The following PRKAG1 variants were observed in gnomAD, a reference collection of about 807,000 sequenced individuals.
PRKAG1 encodes protein kinase AMP-activated non-catalytic subunit gamma 1.
In PRKAG1, 27 loss-of-function variants were observed where a neutral mutation model predicts 48.2. That is an observed-to-expected ratio of 0.56 (90% CI 0.41 to 0.77). The LOEUF is 0.77. Ranked by LOEUF, PRKAG1 falls within the 30% of genes least tolerant of loss-of-function variation. PRKAG1 has a pLI of 0.00. For missense variants in PRKAG1, 287 were observed against 398.3 expected, an observed-to-expected ratio of 0.72 and a Z score of 2.38; for synonymous variants, 130 against 147.7, an observed-to-expected ratio of 0.88 and a Z score of 0.87.
intron 10 of PRKAG1, 67 bp from the exon 11 acceptor site, chr12:49,003,357 C>A: frequency 6.3e-7 from 1 of 1,595,606 alleles, no homozygotes; most frequent in South Asian, 1.1e-5. Context: ...TGAACCCATC[C>A]AACCTCAACA....
In PRKAG1 at chr12:49,005,550, C is replaced by A. The variant is rs773004841; in HGVS notation, c.169-7G>T. On this transcript the variant is annotated splice_region_variant and splice_polypyrimidine_tract_variant and intron_variant, in intron 3 of 11. Coordinates refer to ENST00000548065, the MANE Select transcript of PRKAG1 (RefSeq NM_002733.5). This position sits in a 1 kb window ranked among gnomAD's most constrained non-coding sequence, Gnocchi z 4.1. ...CAAAAAAAGCTTTCTTCACCTGTAG[C>A]CAAGACAGTAATAATCATAAAGGCA... is the stretch of plus-strand genomic sequence containing the variant. The A allele has an allele frequency of 2.5e-6, 4 of 1,614,012 alleles. No individual in the cohort carries two copies. In the Admixed American group the frequency reaches 6.7e-5, roughly 27 times the overall value.
At chr12:49,004,408 A>T in intron 8 of PRKAG1, 99 bp downstream of exon 8, 1 of 1,485,538 alleles carries the variant, frequency 6.7e-7, no homozygotes, top group Non-Finnish European at 9.2e-7. Flanking sequence ...GTTTGACACT[A>T]GCCTGAGCAA....
chr12:49,003,490 C>T lies in PRKAG1; in HGVS notation c.741+68G>A, dbSNP rs1712309800. The T allele has an allele frequency of 1.9e-6, 3 of 1,582,528 alleles. No individual in the cohort carries two copies. The East Asian group carries it at 6.7e-5, about 35-fold the overall frequency. ...GATCACAGAAGAGACTCCCTTCTCC[C>T]TCTCCATATTTAACAGTGCCCCCCC... is the stretch of plus-strand genomic sequence containing the variant. On this transcript the variant is annotated intron_variant, in intron 10 of 11. Transcript: ENST00000548065.
intron 1 of PRKAG1, chr12:49,017,491 CGT>C: frequency 3.8e-6 from 1 of 266,116 alleles, no homozygotes. Flanking sequence ...GCATTACAGG[CGT>C]GAGCCACCAC....
Position 49,002,904 on chromosome 12 carries a change from GCTT to G in PRKAG1, c.988_990del (p.Lys330del). The G allele has an allele frequency of 1.9e-6, 3 of 1,613,858 alleles. No homozygotes were observed. The highest frequency in any genetic ancestry group is 1.7e-5 in the Admixed American group (1 of 60,022). Reference sequence around the variant, plus strand: ...GCATGACCCCTTCCCCCAGCTCAGGGCTTCTTCTCTCCACCTGTGAGCACCAGG... The same window carrying G: ...GCATGACCCCTTCCCCCAGCTCAGGGCTTCTCTCCACCTGTGAGCACCAGG... On this transcript the variant is annotated inframe_deletion, in exon 12 of 12. Transcript: ENST00000548065.
At position 49,003,990 on chromosome 12, in the gene PRKAG1, C is replaced by T. The variant is rs1350793425; in HGVS notation, c.538-68G>A. On this transcript the variant is annotated intron_variant, in intron 8 of 11. Transcript: ENST00000548065. The stretch of plus-strand genomic sequence containing the variant: ...CCACCCTTGGATACCCCCTCCAACC[C>T]AGTATATTAGAAATAAGGGCTGGGT... The T allele has an allele frequency of 3.3e-6, 5 of 1,524,436 alleles. No homozygotes were observed. The African/African-American group carries it at 6.9e-5, about 21-fold the overall frequency. The allele number at this position is 1,524,436 out of a possible 1,614,324, so 94.4% of individuals were successfully genotyped here.
rs1941408071 is a variant in PRKAG1 at position 49,003,925 on chromosome 12, G to A, written c.538-3C>T. 1 of 1,589,896 alleles carries A rather than the reference G, an allele frequency of 6.3e-7. No homozygotes were observed. Among genetic ancestry groups the A allele is most frequent in the Non-Finnish European group, 8.6e-7 (1 of 1,166,722 alleles). On this transcript the variant is annotated splice_region_variant and splice_polypyrimidine_tract_variant and intron_variant, in intron 8 of 11. Coordinates refer to ENST00000548065, the MANE Select transcript of PRKAG1 (RefSeq NM_002733.5). ...TCTGGCTTGGGGAACTCAGTGATCT[G>A]AGGAAAGAACCATCAGCTTAACTTT...
At chr12:49,003,346 C>T (rs1941373426) in intron 10 of PRKAG1, 56 bp from the exon 11 acceptor site, 1 of 1,607,476 alleles carries the variant, frequency 6.2e-7, no homozygotes, top group Non-Finnish European at 8.5e-7. Flanking sequence ...CCTCCAAACC[C>T]TGAACCCATC....
At chr12:49,011,492 G>C (rs1408462264) in intron 2 of PRKAG1, among the ~76,000 whole-genome samples, 1 of 150,542 alleles carries the variant, frequency 6.6e-6, no homozygotes, top group Non-Finnish European at 1.5e-5. Flanking sequence ...GTGTTACACT[G>C]TGCCCAGACT....
intron 2 of PRKAG1, among the ~76,000 whole-genome samples, chr12:49,007,878 GA>G (rs1666778858): frequency 2.8e-5 from 2 of 70,748 alleles, no homozygotes; most frequent in Admixed American, 1.6e-4. Context: ...TTTTTTTTTT[GA>G]GAGGGAGTCT....
intron 2 of PRKAG1, among the ~76,000 whole-genome samples, chr12:49,006,631 AT>A (rs1941546669): frequency 6.6e-6 from 1 of 152,218 alleles, no homozygotes; most frequent in Non-Finnish European, 1.5e-5. Context: ...ATCTCCCAAA[AT>A]AATAGCTTGA....
chr12:49,003,870 T>C lies in PRKAG1; in HGVS notation c.590A>G (p.Gln197Arg), dbSNP rs763338009. ...AGCAATATTGGCATAGGTGCCAATC[T>C]GTAGCTCTTCCAGAGACTTGGACAT... ...EFMSKSLEEL[Q>R]IGTYANIAMV... Residue 197 changes from glutamine to arginine, a missense_variant, in exon 9 of 12, where the codon CAG (glutamine) becomes CGG (arginine). Physicochemically the swap from Gln to Arg is conservative, Grantham distance 43. Around this residue, in one of 2 missense-constraint regions of PRKAG1, gnomAD observed 224 missense variants for 344.3 expected, o/e 0.65. Transcript: ENST00000548065. The C allele has an allele frequency of 1.2e-6, 2 of 1,613,758 alleles. No homozygotes were observed. The highest frequency in any genetic ancestry group is 2.2e-5 in the South Asian group (2 of 91,024).
At chr12:49,006,136 C>A in intron 2 of PRKAG1, among the ~76,000 whole-genome samples, 1 of 152,140 alleles carries the variant, frequency 6.6e-6, no homozygotes, top group East Asian at 1.9e-4. Context: ...CTCTCTTTAA[C>A]ATGTTATAGT....
rs1394458839 is a variant in PRKAG1 at position 49,004,954 on chromosome 12, TG to T, written c.410+9del. On this transcript the variant is annotated intron_variant, in intron 7 of 11. Coordinates refer to ENST00000548065, the MANE Select transcript of PRKAG1 (RefSeq NM_002733.5). ...TCCGCTTTTTGGACAGATGGGTAAC[TG>T]GAACTCACCTGGCATTAGGAGAAAT... The T allele has an allele frequency of 6.2e-7, 1 of 1,613,492 alleles. No homozygotes were observed. Among genetic ancestry groups the T allele is most frequent in the East Asian group, 2.2e-5 (1 of 44,870 alleles).
intron 8 of PRKAG1, 41 bp from the exon 9 acceptor site, chr12:49,003,963 A>C: frequency 6.4e-7 from 1 of 1,555,814 alleles, no homozygotes; most frequent in Non-Finnish European, 8.7e-7. Flanking sequence ...AGGCACCCAA[A>C]GCCACCCTTG....
At chr12:49,015,015 A>G (rs1407732359) in intron 1 of PRKAG1, among the ~76,000 whole-genome samples, 4 of 152,198 alleles carry the variant, frequency 2.6e-5, no homozygotes, top group African/African-American at 9.6e-5. Flanking sequence ...AACTTCCTAA[A>G]CCAGGGAAGT....
chr12:49,013,187 G>A (rs1426104928), intron 1 of PRKAG1, 77 bp from the exon 2 acceptor site: 6 of 1,293,518 alleles, frequency 4.6e-6, no homozygotes, highest in African/African-American at 4.4e-5. Flanking sequence ...GGAAGGGCTG[G>A]TGAACAAATA....
At chr12:49,010,562 T>C (rs1333254851) in intron 2 of PRKAG1, among the ~76,000 whole-genome samples, 2 of 152,132 alleles carry the variant, frequency 1.3e-5, no homozygotes, top group Non-Finnish European at 1.5e-5. Flanking sequence ...TCTGCCACAG[T>C]TGGGAGGCAG....
chr12:49,010,437 A>G (rs1230823919), intron 2 of PRKAG1, among the ~76,000 whole-genome samples: 1 of 152,146 alleles, frequency 6.6e-6, no homozygotes, highest in Non-Finnish European at 1.5e-5. Flanking sequence ...CTGGAAACTG[A>G]AAAGGGGGAA....
Sources: gnomAD v4.1 joint callset for allele counts (sites outside exome capture counted in the v4.1 genomes callset) on GRCh38, gnomAD v4.1.1 for gene constraint, gnomAD v4.1.1 regional missense constraint, Gnocchi (gnomAD v3.1) non-coding constraint, MANE v1.5 for transcripts, NCBI Gene and HGNC (gene_info 2026-07-23, HGNC 2026-07-21) for gene names.